MAGI2: variants seen among roughly 807,000 people sequenced by gnomAD.
MAGI2 encodes membrane-associated guanylate kinase, WW and PDZ domain-containing protein 2.
A neutral mutation model predicts 133.3 loss-of-function variants in MAGI2; 35 were observed. The ratio of observed to expected loss-of-function variants is 0.26; its 90% CI spans 0.20 to 0.35. The LOEUF (loss-of-function observed/expected upper bound fraction) is 0.35, where lower values mean the gene tolerates loss of function less well. Among genes scored for constraint, MAGI2 ranks in the 10% least tolerant of loss-of-function variants. The pLI is 1.00. For missense variants in MAGI2, 1,636 were observed against 1,863.4 expected (o/e 0.88, Z 2.25); for synonymous variants, 729 against 710.6 (o/e 1.03, Z -0.41).
intron 6 of MAGI2, among the ~76,000 whole-genome samples, chr7:78,399,422 T>C (rs543718239): frequency 6.6e-6 from 1 of 152,344 alleles, no homozygotes; most frequent in African/African-American, 2.4e-5. Flanking sequence ...ACAGTAGGAT[T>C]TCATCTATAG....
intron 2 of MAGI2, among the ~76,000 whole-genome samples, chr7:78,740,102 A>T (rs1358391062): frequency 3.3e-5 from 5 of 151,756 alleles, no homozygotes; most frequent in African/African-American, 1.2e-4. Flanking sequence ...TGGAGCTTGC[A>T]GTGAGCCGAG....
In MAGI2 at chr7:78,020,200, C is replaced by T. The variant is rs1808238816; in HGVS notation, c.3707-224G>A. ...CGCTTAGCCCCCACGCCCCGAACCT[C>T]GTCCGTGGACCGGGGAGGCCAACGC... On this transcript the variant is annotated intron_variant, in intron 21 of 21. Transcript: ENST00000354212. 3.9e-5 allele frequency among the ~76,000 whole-genome samples: 6 copies of T among 152,162 alleles called. No individual in the cohort carries two copies. In the South Asian group the frequency reaches 1.2e-3, roughly 32 times the overall value.
chr7:78,960,170 A>G (rs1287060219), intron 2 of MAGI2, among the ~76,000 whole-genome samples: 1 of 152,176 alleles, frequency 6.6e-6, no homozygotes, highest in Admixed American at 6.6e-5. Flanking sequence ...ATGATGTGTT[A>G]GAAAACCTGA....
chr7:78,050,831 G>C (rs146840543), intron 21 of MAGI2, among the ~76,000 whole-genome samples: 2 of 152,122 alleles, frequency 1.3e-5, no homozygotes, highest in African/African-American at 4.8e-5. Context: ...GCAGGCAAAG[G>C]CATTCTTACC....
intron 11 of MAGI2, 89 bp downstream of exon 11, chr7:78,201,073 G>A: frequency 1.2e-6 from 1 of 832,280 alleles, no homozygotes; most frequent in Non-Finnish European, 1.9e-6. Flanking sequence ...AGTTGAAAGA[G>A]ATTTTGAGGT....
chr7:79,370,937 A>G (rs912083901), intron 1 of MAGI2, among the ~76,000 whole-genome samples: 2 of 152,072 alleles, frequency 1.3e-5, no homozygotes, highest in Non-Finnish European at 2.9e-5. Flanking sequence ...CTCACTCTTG[A>G]ATCCAGTTTT....
chr7:79,351,752 G>T (rs568850178), intron 1 of MAGI2: 27 of 152,300 alleles, frequency 1.8e-4, no homozygotes, highest in Admixed American at 1.4e-3. Flanking sequence ...ATCAGTCTGT[G>T]CTGTGCAGAA....
At chr7:78,903,644 A>C (rs780329886) in intron 2 of MAGI2, among the ~76,000 whole-genome samples, 3 of 152,154 alleles carry the variant, frequency 2.0e-5, no homozygotes, top group Non-Finnish European at 4.4e-5. Flanking sequence ...GTTTTTAAGA[A>C]TTTGGTGCCA....
chr7:79,154,034 T>C (rs972119993), intron 1 of MAGI2, among the ~76,000 whole-genome samples: 5 of 152,248 alleles, frequency 3.3e-5, no homozygotes, highest in Admixed American at 3.3e-4. Context: ...AATTTCTAGC[T>C]GTATATTCCT....
chr7:78,231,307 C>A (rs1789944336), intron 10 of MAGI2, among the ~76,000 whole-genome samples: 1 of 152,150 alleles, frequency 6.6e-6, no homozygotes, highest in South Asian at 2.1e-4. Context: ...TCAGAGTATT[C>A]CTCCATGGAG....
intron 2 of MAGI2, among the ~76,000 whole-genome samples, chr7:78,673,423 C>T (rs528611254): frequency 6.6e-6 from 1 of 151,912 alleles, no homozygotes; most frequent in East Asian, 1.9e-4. Context: ...CCAGGACAGC[C>T]AAGTACCAAG....
chr7:78,098,194 C>A (rs1390962885), intron 20 of MAGI2, among the ~76,000 whole-genome samples: 1 of 152,134 alleles, frequency 6.6e-6, no homozygotes, highest in Non-Finnish European at 1.5e-5. Flanking sequence ...TGCATGCTTT[C>A]TGACTTTATT....
At chr7:78,982,219 C>T (rs180899788) in intron 2 of MAGI2, among the ~76,000 whole-genome samples, 195 of 151,994 alleles carry the variant, frequency 1.3e-3, no homozygotes, top group African/African-American at 4.6e-3. Flanking sequence ...CTAAATATTA[C>T]TGTTAAAAAT....
intron 1 of MAGI2, among the ~76,000 whole-genome samples, chr7:79,292,466 A>C (rs1041034958): frequency 6.6e-6 from 1 of 151,578 alleles, no homozygotes; most frequent in Non-Finnish European, 1.5e-5. Context: ...TACCAAAAAA[A>C]ATAAAAAAAT....
chr7:78,578,245 T>C (rs1466610106), intron 3 of MAGI2, among the ~76,000 whole-genome samples: 1 of 152,064 alleles, frequency 6.6e-6, no homozygotes, highest in African/African-American at 2.4e-5. Flanking sequence ...AGCCTGAGAA[T>C]GTAAGAACCC....
At chr7:78,162,710 T>G (rs949112042) in intron 15 of MAGI2, among the ~76,000 whole-genome samples, 5 of 152,088 alleles carry the variant, frequency 3.3e-5, no homozygotes, top group African/African-American at 9.7e-5. Flanking sequence ...CCTTTGGACT[T>G]CTCTTTCAAC....
At chr7:78,174,406 T>A (rs1453289818) in intron 14 of MAGI2, among the ~76,000 whole-genome samples, 7 of 152,252 alleles carry the variant, frequency 4.6e-5, no homozygotes, top group Non-Finnish European at 1.0e-4. Context: ...GGTTTACCCT[T>A]AAATGCCCTG....
chr7:78,923,851 G>C (rs1192828756), intron 2 of MAGI2, among the ~76,000 whole-genome samples: 7 of 152,090 alleles, frequency 4.6e-5, no homozygotes, highest in Non-Finnish European at 4.4e-5. Context: ...CCATTTGTTT[G>C]TATCCTCTTT....
intron 20 of MAGI2, among the ~76,000 whole-genome samples, chr7:78,100,154 A>G (rs921224976): frequency 6.6e-6 from 1 of 152,098 alleles, no homozygotes; most frequent in Admixed American, 6.5e-5. Context: ...TGAGCCTATG[A>G]TATAGTACTT....
Sources: gnomAD v4.1 joint callset for allele counts (sites outside exome capture counted in the v4.1 genomes callset) on GRCh38, gnomAD v4.1.1 for gene constraint, MANE v1.5 for transcripts, NCBI Gene and HGNC (gene_info 2026-07-23, HGNC 2026-07-21) for gene names.